The following SHISA9 variants were observed in gnomAD, a reference collection of about 807,000 sequenced individuals.
The protein encoded by SHISA9 is protein shisa-9.
SHISA9 carries 13 observed loss-of-function variants against 38.0 expected under a neutral mutation model. The ratio of observed to expected loss-of-function variants is 0.34; its 90% CI spans 0.22 to 0.54. The LOEUF (loss-of-function observed/expected upper bound fraction) is 0.54. Among genes scored for constraint, SHISA9 ranks in the 20% least tolerant of loss-of-function variants. The probability of loss-of-function intolerance (pLI) is 0.91; values close to 1 mark genes in which losing one functional copy is unlikely to be tolerated. For synonymous variants in SHISA9, 275 were observed against 242.0 expected (o/e 1.14, Z -1.27); for missense variants, 538 against 575.8 (o/e 0.93, Z 0.67).
chr16:13,207,654 C>A (rs2051078871), intron 3 of SHISA9, among the ~76,000 whole-genome samples: 1 of 152,046 alleles, frequency 6.6e-6, no homozygotes, highest in African/African-American at 2.4e-5. Context: ...CATAGGTGGT[C>A]TTGTGAATCT....
intron 1 of SHISA9, chr16:12,911,025 G>A: frequency 6.1e-6 from 1 of 164,368 alleles, no homozygotes; most frequent in Non-Finnish European, 1.3e-5. Context: ...CACCCTCACA[G>A]AAACACCCAG....
intron 4 of SHISA9, among the ~76,000 whole-genome samples, chr16:13,214,088 G>A (rs140875824): frequency 6.6e-6 from 1 of 152,290 alleles, no homozygotes; most frequent in Non-Finnish European, 1.5e-5. Context: ...TTCCACTAGG[G>A]TGTAATGGAA....
At chr16:13,532,683 C>A in the SHISA9 span, among the ~76,000 whole-genome samples, 1 of 152,040 alleles carries the variant, frequency 6.6e-6, no homozygotes, top group Non-Finnish European at 1.5e-5. Context: ...CACATGGCTG[C>A]CTTCTGACAA....
intron 2 of SHISA9, among the ~76,000 whole-genome samples, chr16:13,099,000 A>G (rs1308139780): frequency 6.6e-6 from 1 of 152,268 alleles, no homozygotes; most frequent in Non-Finnish European, 1.5e-5. Flanking sequence ...TGCTGAATTT[A>G]TTCAACAAAT....
At chr16:13,425,919 G>A in the SHISA9 span, among the ~76,000 whole-genome samples, 57 of 152,248 alleles carry the variant, frequency 3.7e-4, no homozygotes, top group Middle Eastern at 3.4e-3. Context: ...GATCCTGCAA[G>A]CCTAGATGGA....
At chr16:13,429,152 C>T in the SHISA9 span, among the ~76,000 whole-genome samples, 1 of 152,096 alleles carries the variant, frequency 6.6e-6, no homozygotes, top group African/African-American at 2.4e-5. Context: ...AGGTTGATAG[C>T]AATAGACCAG....
At chr16:13,344,661 C>T in the SHISA9 span, among the ~76,000 whole-genome samples, 116,700 of 152,064 alleles carry the variant, frequency 0.77, 45,385 homozygotes, top group East Asian at 0.96. Context: ...ACTGAGTTCA[C>T]ACCATTTGCC....
the SHISA9 span, among the ~76,000 whole-genome samples, chr16:13,451,542 G>T: frequency 6.6e-6 from 1 of 152,210 alleles, no homozygotes; most frequent in Non-Finnish European, 1.5e-5. Flanking sequence ...ATAATGGGCA[G>T]ACCTGGTGAT....
chr16:13,129,243 C>T (rs966011799), intron 2 of SHISA9, among the ~76,000 whole-genome samples: 1 of 152,144 alleles, frequency 6.6e-6, no homozygotes, highest in African/African-American at 2.4e-5. Flanking sequence ...AGAAGAAAAA[C>T]AACCCCAAAT....
At chr16:12,954,684 A>G (rs960803989) in intron 2 of SHISA9, among the ~76,000 whole-genome samples, 2 of 152,222 alleles carry the variant, frequency 1.3e-5, no homozygotes, top group Non-Finnish European at 2.9e-5. Flanking sequence ...ATCCTAAAAT[A>G]TATTCTGTGG....
the SHISA9 span, among the ~76,000 whole-genome samples, chr16:13,395,399 T>A: frequency 1.3e-5 from 2 of 152,104 alleles, no homozygotes; most frequent in Non-Finnish European, 2.9e-5. Flanking sequence ...AGGGCAAGAG[T>A]CTATGCACAG....
chr16:13,464,548 C>T, the SHISA9 span, among the ~76,000 whole-genome samples: 1 of 152,158 alleles, frequency 6.6e-6, no homozygotes, highest in African/African-American at 2.4e-5. Context: ...GCTAAAGCCC[C>T]TTTCTTGGAA....
At position 12,915,690 on chromosome 16, in the gene SHISA9, C is replaced by T. The variant is rs184617109; in HGVS notation, c.564-998C>T. Reference sequence around the variant, plus strand: ...AGTGAAATGTGGGGATTGCTTATGACGGAATACTATGCAGCGGCTGCAAGG... The same window carrying T: ...AGTGAAATGTGGGGATTGCTTATGATGGAATACTATGCAGCGGCTGCAAGG... On this transcript the variant is annotated intron_variant, in intron 1 of 4. Transcript: ENST00000558583. Among the ~76,000 whole-genome samples the T allele has an allele frequency of 1.6e-4, 24 of 152,126 alleles. No individual in the cohort carries two copies. In the East Asian group the frequency reaches 3.9e-3, roughly 25 times the overall value.
At chr16:13,155,980 C>T (rs191145976) in intron 2 of SHISA9, among the ~76,000 whole-genome samples, 6 of 152,180 alleles carry the variant, frequency 3.9e-5, no homozygotes, top group African/African-American at 1.4e-4. Context: ...GTGGAGGAGC[C>T]TTATTTAAGT....
At chr16:13,210,328 T>C (rs1173856220) in intron 3 of SHISA9, among the ~76,000 whole-genome samples, 1 of 152,198 alleles carries the variant, frequency 6.6e-6, no homozygotes, top group African/African-American at 2.4e-5. Context: ...TTCATGATCA[T>C]GTGCCCTTAA....
At chr16:13,361,664 C>T in the SHISA9 span, among the ~76,000 whole-genome samples, 1 of 152,222 alleles carries the variant, frequency 6.6e-6, no homozygotes, top group African/African-American at 2.4e-5. Context: ...AGCTCATGTT[C>T]TTCCACTCAT....
At chr16:13,266,933 AAAG>A in the SHISA9 span, among the ~76,000 whole-genome samples, 1 of 152,224 alleles carries the variant, frequency 6.6e-6, no homozygotes, top group Non-Finnish European at 1.5e-5. Flanking sequence ...AACACTGAAA[AAAG>A]AAAACCTATG....
the SHISA9 span, among the ~76,000 whole-genome samples, chr16:13,277,172 G>A: frequency 6.6e-6 from 1 of 151,994 alleles, no homozygotes; most frequent in Admixed American, 6.6e-5. Flanking sequence ...TGAAAAGGGT[G>A]TCCTTTCCCC....
At chr16:13,519,662 C>T in the SHISA9 span, among the ~76,000 whole-genome samples, 1 of 152,154 alleles carries the variant, frequency 6.6e-6, no homozygotes, top group South Asian at 2.1e-4. Context: ...CTCACAGTTC[C>T]ACAGGGCTGG....
Sources: allele counts gnomAD v4.1 joint callset (sites outside exome capture counted in the v4.1 genomes callset), GRCh38; gene constraint gnomAD v4.1.1; transcripts MANE v1.5; gene names NCBI Gene and HGNC (gene_info 2026-07-23, HGNC 2026-07-21).